The following TMEM184B variants were observed in gnomAD, a reference collection of about 807,000 sequenced individuals.
TMEM184B encodes the protein putative MAPK-activating protein FM08.
TMEM184B carries 17 observed loss-of-function variants against 41.8 expected under a neutral mutation model. The ratio of observed to expected loss-of-function variants is 0.41; its 90% CI spans 0.28 to 0.61. The LOEUF (loss-of-function observed/expected upper bound fraction) is 0.61. Ranked by LOEUF, TMEM184B falls within the 20% of genes least tolerant of loss-of-function variation. The pLI is 0.34. For synonymous variants in TMEM184B, 240 were observed against 229.5 expected, an observed-to-expected ratio of 1.05 and a Z score of -0.41; for missense variants, 393 against 557.8, an observed-to-expected ratio of 0.70 and a Z score of 2.98.
chr22:38,266,488 C>A (rs776552748), intron 1 of TMEM184B, among the ~76,000 whole-genome samples: 16 of 152,228 alleles, frequency 1.1e-4, no homozygotes, highest in Non-Finnish European at 2.2e-4. Flanking sequence ...GCCCTGTTCA[C>A]CACTGCTGCA....
Position 38,247,837 on chromosome 22 carries a change from A to T in TMEM184B, c.125T>A (p.Met42Lys). Residue 42 changes from methionine to lysine, a missense_variant, in exon 2 of 9, where the codon ATG becomes AAG. Coordinates refer to ENST00000361906, the MANE Select transcript of TMEM184B (RefSeq NM_012264.5). ...AGAGATGGCCTGAGCGGCAGTTGTC[A>T]TCAGGAACACAGGCTGCTCCATGGC... The part of the protein sequence containing the change: ...PTAMEQPVFL[M>K]TTAAQAISGF... The T allele has an allele frequency of 6.2e-7, 1 of 1,613,932 alleles. No individual in the cohort carries two copies. The highest frequency in any genetic ancestry group is 8.5e-7 in the Non-Finnish European group (1 of 1,179,982).
downstream of TMEM184B, among the ~76,000 whole-genome samples, chr22:38,218,742 G>T (rs2091180087): frequency 1.3e-5 from 2 of 152,362 alleles, no homozygotes; most frequent in South Asian, 2.1e-4. Context: ...GAGGACGCAG[G>T]CTATTTACCC....
At chr22:38,242,610 T>G (rs557322249) in intron 3 of TMEM184B, among the ~76,000 whole-genome samples, 2 of 152,198 alleles carry the variant, frequency 1.3e-5, no homozygotes, top group Non-Finnish European at 2.9e-5. Flanking sequence ...CTGGCCCCTC[T>G]TGGGCACTGA....
At chr22:38,259,588 G>A (rs543827210) in intron 1 of TMEM184B, among the ~76,000 whole-genome samples, 1 of 152,236 alleles carries the variant, frequency 6.6e-6, no homozygotes, top group African/African-American at 2.4e-5. Context: ...AGATGGAGGT[G>A]GTCTCTAGGA....
chr22:38,262,120 C>G (rs2092378238), intron 1 of TMEM184B, among the ~76,000 whole-genome samples: 1 of 152,254 alleles, frequency 6.6e-6, no homozygotes, highest in African/African-American at 2.4e-5. Flanking sequence ...CCTGGATGAT[C>G]TGACAGTGCT....
At chr22:38,227,820 T>C (rs2091489750) in intron 5 of TMEM184B, among the ~76,000 whole-genome samples, 1 of 152,122 alleles carries the variant, frequency 6.6e-6, no homozygotes, top group Non-Finnish European at 1.5e-5. Flanking sequence ...CGGCGCCTGC[T>C]AGCTGGCTGA....
At chr22:38,248,309 C>T (rs374178294) in intron 1 of TMEM184B, among the ~76,000 whole-genome samples, 56 of 152,334 alleles carry the variant, frequency 3.7e-4, no homozygotes, top group African/African-American at 1.2e-3. Flanking sequence ...TCCCAGCTCC[C>T]CTAGAGTAAA....
At chr22:38,235,733 G>A (rs929890678) in intron 3 of TMEM184B, among the ~76,000 whole-genome samples, 1 of 152,328 alleles carries the variant, frequency 6.6e-6, no homozygotes, top group South Asian at 2.1e-4. Context: ...GGAAAGTACA[G>A]AGCCATGTGA....
chr22:38,237,869 C>A (rs1274877913), intron 3 of TMEM184B, among the ~76,000 whole-genome samples: 1 of 151,472 alleles, frequency 6.6e-6, no homozygotes, highest in African/African-American at 2.4e-5. Flanking sequence ...GGCAATGGCG[C>A]GATCTCACTG....
chr22:38,265,955 G>C (rs135716), intron 1 of TMEM184B, among the ~76,000 whole-genome samples: 152,354 of 152,362 alleles, frequency 1, 76,173 homozygotes, highest in Middle Eastern at 1. Flanking sequence ...GCCAGCAGGA[G>C]AGGCCCCATT....
chr22:38,252,743 A>G (rs529865123), intron 1 of TMEM184B, among the ~76,000 whole-genome samples: 1 of 152,238 alleles, frequency 6.6e-6, no homozygotes, highest in South Asian at 2.1e-4. Context: ...ACCACGTGCA[A>G]CCTGCGCGGG....
At chr22:38,248,854 C>T (rs2092099464) in intron 1 of TMEM184B, among the ~76,000 whole-genome samples, 1 of 152,190 alleles carries the variant, frequency 6.6e-6, no homozygotes, top group Non-Finnish European at 1.5e-5. Flanking sequence ...GGCCTGTGTG[C>T]GTTCTTCGCC....
intron 5 of TMEM184B, among the ~76,000 whole-genome samples, chr22:38,230,116 T>C (rs1272639031): frequency 1.3e-5 from 1 of 75,200 alleles, no homozygotes; most frequent in African/African-American, 6.7e-5. Flanking sequence ...CCCAGGAAGC[T>C]AGAGCGGCTG....
At chr22:38,268,911 A>AATGGG (rs2092481816) in intron 1 of TMEM184B, among the ~76,000 whole-genome samples, 1 of 152,230 alleles carries the variant, frequency 6.6e-6, no homozygotes, top group Non-Finnish European at 1.5e-5. Flanking sequence ...CAAATAAATG[A>AATGGG]ATGGGCCTGT....
chr22:38,269,794 T>C (rs1569061774), intron 1 of TMEM184B, among the ~76,000 whole-genome samples: 1 of 152,126 alleles, frequency 6.6e-6, no homozygotes, highest in Non-Finnish European at 1.5e-5. Flanking sequence ...CTCCAGAACC[T>C]GCCCTGAGTC....
rs373774587 is a variant in TMEM184B at position 38,225,386 on chromosome 22, T to G, written c.787+38A>C. On this transcript the variant is annotated intron_variant, in intron 7 of 8. Transcript: ENST00000361906. The surrounding 1 kb of genome is among the most constrained non-coding windows in gnomAD (Gnocchi z 4.4). The stretch of plus-strand genomic sequence containing the variant: ...GCAGCAGGAAGCGCAGAGGACAGGG[T>G]GGCATGGGCAGCCTCCAGGTGCTGG... 1.2e-5 allele frequency: 19 copies of G among 1,527,778 alleles called. No homozygotes were observed. Among genetic ancestry groups the G allele is most frequent in the Admixed American group, 2.2e-5 (1 of 45,868 alleles). The allele number at this position is 1,527,778 out of a possible 1,614,324, so 94.6% of individuals were successfully genotyped here.
Position 38,219,884 on chromosome 22 carries a change from AC to A in TMEM184B, c.*1584del. 6 of 985,106 alleles carry A rather than the reference AC, an allele frequency of 6.1e-6. No individual in the cohort carries two copies. Among genetic ancestry groups the A allele is most frequent in the Non-Finnish European group, 7.2e-6 (6 of 829,856 alleles). The allele number at this position is 985,106 out of a possible 1,614,324, so 61.0% of individuals were successfully genotyped here. On this transcript the variant is annotated 3_prime_UTR_variant, in exon 9 of 9. Transcript: ENST00000361906. Reference sequence around the variant, plus strand: ...TGGAGGGGGAGAGCTGGCCTCTGGCACCCACATGCAGGCCTCTGCCACGAGG... The same window carrying A: ...TGGAGGGGGAGAGCTGGCCTCTGGCACCACATGCAGGCCTCTGCCACGAGG...
At chr22:38,229,249 C>T (rs73425651) in intron 5 of TMEM184B, among the ~76,000 whole-genome samples, 2,516 of 152,344 alleles carry the variant, frequency 0.017, 82 homozygotes, top group African/African-American at 0.057. Context: ...AGAGCCCCTA[C>T]GGAGCCCCAG....
rs2091400251 is a variant in TMEM184B, at chr22:38,225,315, C to T, written c.787+109G>A. 2.2e-6 allele frequency: 3 copies of T among 1,361,582 alleles called. No individual in the cohort carries two copies. The East Asian group carries it at 7.4e-5, about 33-fold the overall frequency. The allele number at this position is 1,361,582 out of a possible 1,614,324, so 84.3% of individuals were successfully genotyped here. On this transcript the variant is annotated intron_variant, in intron 7 of 8. Coordinates refer to ENST00000361906, the MANE Select transcript of TMEM184B (RefSeq NM_012264.5). This position sits in a 1 kb window ranked among gnomAD's most constrained non-coding sequence, Gnocchi z 4.4. ...CAGCAAGTGCCCAGTGGGCTGAGGC[C>T]CCTCTGAACAGGCCCTACAGGCACC...
Sources: gnomAD v4.1 joint callset for allele counts (sites outside exome capture counted in the v4.1 genomes callset) on GRCh38, gnomAD v4.1.1 for gene constraint, Gnocchi (gnomAD v3.1) non-coding constraint, MANE v1.5 for transcripts, NCBI Gene and HGNC (gene_info 2026-07-23, HGNC 2026-07-21) for gene names.